AKAP12: variants seen among roughly 807,000 people sequenced by gnomAD.
AKAP12 encodes the protein A-kinase anchoring protein 12.
AKAP12 carries 32 observed loss-of-function variants against 79.9 expected under a neutral mutation model. The observed-to-expected ratio is 0.40, with a 90% CI of 0.30 to 0.54. The LOEUF (loss-of-function observed/expected upper bound fraction) is 0.54. Ranked by LOEUF, AKAP12 falls within the 20% of genes least tolerant of loss-of-function variation. AKAP12 has a pLI of 0.48. For synonymous variants in AKAP12, 808 were observed against 857.0 expected (o/e 0.94, Z 1.00); for missense variants, 2,074 against 2,177.0 (o/e 0.95, Z 0.94).
chr6:151,343,065 A>G (rs1189018480), intron 3 of AKAP12, among the ~76,000 whole-genome samples: 1 of 152,096 alleles, frequency 6.6e-6, no homozygotes, highest in Non-Finnish European at 1.5e-5. Flanking sequence ...GCCCGGCCCA[A>G]TAGCTGTTTT....
chr6:151,249,326 T>G lies in AKAP12; in HGVS notation c.162+8602T>G, dbSNP rs765253648. On this transcript the variant is annotated intron_variant, in intron 2 of 4. Coordinates refer to ENST00000402676, the MANE Select transcript of AKAP12 (RefSeq NM_005100.4). Reference sequence around the variant, plus strand: ...ATTCAATCTTGATTTCATAAATATTTCTGTTTTAATTTCTTCCATTTATTT... The same window carrying G: ...ATTCAATCTTGATTTCATAAATATTGCTGTTTTAATTTCTTCCATTTATTT... Among the ~76,000 whole-genome samples, 38 of 152,202 alleles carry G rather than the reference T, an allele frequency of 2.5e-4. 1 individual carries two copies. The highest frequency in any genetic ancestry group is 4.8e-4 in the Non-Finnish European group (33 of 68,042).
chr6:151,335,477 G>T (rs558813828), intron 3 of AKAP12, among the ~76,000 whole-genome samples: 41 of 151,664 alleles, frequency 2.7e-4, no homozygotes, highest in Admixed American at 2.4e-3. Flanking sequence ...TATTTTTACT[G>T]TTGTTTGTTT....
chr6:151,320,528 C>T (rs1223603229), intron 3 of AKAP12, among the ~76,000 whole-genome samples: 1 of 152,160 alleles, frequency 6.6e-6, no homozygotes, highest in Non-Finnish European at 1.5e-5. Context: ...TAATCCCTGT[C>T]CATTCCCAGG....
At chr6:151,253,952 G>A (rs1417348243) in intron 2 of AKAP12, among the ~76,000 whole-genome samples, 2 of 152,040 alleles carry the variant, frequency 1.3e-5, no homozygotes, top group Non-Finnish European at 2.9e-5. Flanking sequence ...CAGGTAATCT[G>A]CCTCCCTGGG....
At chr6:151,304,213 G>C (rs1195743684) in intron 2 of AKAP12, among the ~76,000 whole-genome samples, 3 of 151,912 alleles carry the variant, frequency 2.0e-5, no homozygotes. Flanking sequence ...GAGCAAGCCG[G>C]GCACAGTGGC....
In AKAP12 at chr6:151,270,405, C is replaced by A. The variant is rs1211124679; in HGVS notation, c.162+29681C>A. 2.0e-5 allele frequency among the ~76,000 whole-genome samples: 3 copies of A among 152,180 alleles called. No individual in the cohort carries two copies. In the East Asian group the frequency reaches 5.8e-4, roughly 29 times the overall value. On this transcript the variant is annotated intron_variant, in intron 2 of 4. Transcript: ENST00000402676. ...TATTCCGTTGTATGGATATATCCTA[C>A]GTTTTATTTATCCATGCAGCAGTTG...
Position 151,351,321 on chromosome 6 carries a change from C to A in AKAP12, c.2930C>A (p.Thr977Lys), listed in dbSNP as rs1302454206. 1.2e-6 allele frequency: 2 copies of A among 1,614,218 alleles called. No individual in the cohort carries two copies. Among genetic ancestry groups the A allele is most frequent in the Middle Eastern group, 3.3e-4 (2 of 6,062 alleles). Residue 977 changes from threonine to lysine, a missense_variant, in exon 4 of 5, where the codon ACA (threonine) becomes AAA (lysine). Thr to Lys is a moderately conservative substitution (Grantham distance 78). Around this residue, in one of 3 missense-constraint regions of AKAP12, gnomAD observed 1,428 missense variants for 1,451.0 expected, o/e 0.98. Transcript: ENST00000402676. The surrounding 1 kb of genome is among the most constrained non-coding windows in gnomAD (Gnocchi z 4.4). ...SEAELTPEAVTAAETAGPLGA... is the reference protein window; with the variant it reads ...SEAELTPEAVKAAETAGPLGA... Reference sequence around the variant, plus strand: ...GCGGAATTGACCCCCGAAGCTGTGACAGCTGCAGAAACTGCAGGGCCATTG... The same window carrying A: ...GCGGAATTGACCCCCGAAGCTGTGAAAGCTGCAGAAACTGCAGGGCCATTG...
At chr6:151,301,913 T>C (rs1562728356) in intron 2 of AKAP12, among the ~76,000 whole-genome samples, 1 of 152,222 alleles carries the variant, frequency 6.6e-6, no homozygotes, top group African/African-American at 2.4e-5. Context: ...TTCATTATCA[T>C]ACTTAGGATG....
intron 3 of AKAP12, chr6:151,324,298 T>A (rs1247955166): frequency 1.0e-6 from 1 of 985,302 alleles, no homozygotes; most frequent in Non-Finnish European, 1.2e-6. Context: ...TGCCAGGATG[T>A]GAAACGGAAG....
At position 151,350,053 on chromosome 6, in the gene AKAP12, T is replaced by G; in HGVS notation, c.1662T>G (p.Ser554=). 1.9e-6 allele frequency: 3 copies of G among 1,613,970 alleles called. No homozygotes were observed. The highest frequency in any genetic ancestry group is 2.5e-6 in the Non-Finnish European group (3 of 1,180,000). ...SGEHTQVPAD[S]PDSQEEQKGE... ...AGCACACTCAGGTTCCAGCCGATTCTCCGGACAGCCAGGAGGAGCAAAAGG... is the reference window on the plus strand; with the variant it reads ...AGCACACTCAGGTTCCAGCCGATTCGCCGGACAGCCAGGAGGAGCAAAAGG... The change falls in exon 4 of 5, where the codon TCT becomes TCG. Residue 554 remains serine, a synonymous_variant. Coordinates refer to ENST00000402676, the MANE Select transcript of AKAP12 (RefSeq NM_005100.4). This position sits in a 1 kb window ranked among gnomAD's most constrained non-coding sequence, Gnocchi z 4.8.
At chr6:151,292,334 A>T (rs146480302) in intron 2 of AKAP12, among the ~76,000 whole-genome samples, 22 of 152,356 alleles carry the variant, frequency 1.4e-4, no homozygotes, top group African/African-American at 5.3e-4. Flanking sequence ...TGGGCAATAC[A>T]TTCTAACTGG....
At chr6:151,241,475 A>AACTT (rs1796975171) in intron 2 of AKAP12, among the ~76,000 whole-genome samples, 2 of 152,204 alleles carry the variant, frequency 1.3e-5, no homozygotes, top group South Asian at 4.2e-4. Context: ...TTCTCAAAGG[A>AACTT]TGGGGTCAGT....
Position 151,316,294 on chromosome 6 carries a change from A to G in AKAP12, c.319+10391A>G, listed in dbSNP as rs998080183. ...ATTAGTCATTCAGGTGAAAAGTGCT[A>G]TGTGCTAGATTGAATTAATTGAGTG... On this transcript the variant is annotated intron_variant, in intron 3 of 4. Transcript: ENST00000402676. Among the ~76,000 whole-genome samples, 4 of 152,184 alleles carry G rather than the reference A, an allele frequency of 2.6e-5. No homozygotes were observed. In the South Asian group the frequency reaches 6.2e-4, roughly 24 times the overall value.
intron 2 of AKAP12, among the ~76,000 whole-genome samples, chr6:151,258,961 CTA>C (rs1002677869): frequency 1.2e-4 from 18 of 147,970 alleles, no homozygotes; most frequent in East Asian, 7.8e-4. Flanking sequence ...TATATACACA[CTA>C]TATATATATG....
intron 3 of AKAP12, among the ~76,000 whole-genome samples, chr6:151,330,543 G>A (rs550232341): frequency 6.6e-5 from 10 of 152,206 alleles, no homozygotes; most frequent in African/African-American, 2.2e-4. Context: ...ACTGTAAGCC[G>A]TCCTGATGTG....
At chr6:151,285,960 C>T (rs1011332435) in intron 2 of AKAP12, among the ~76,000 whole-genome samples, 4 of 151,916 alleles carry the variant, frequency 2.6e-5, no homozygotes, top group African/African-American at 7.3e-5. Context: ...TCTCTGCAAC[C>T]TTCGCCTCCT....
intron 2 of AKAP12, 122 bp downstream of exon 2, chr6:151,240,846 A>T (rs4568462): frequency 0.37 from 348,085 of 933,782 alleles, 69,834 homozygotes; most frequent in Non-Finnish European, 0.4. Flanking sequence ...CGCATCTGCA[A>T]ACTCAGGAGT....
At chr6:151,252,806 G>A (rs1480656158) in intron 2 of AKAP12, among the ~76,000 whole-genome samples, 3 of 151,586 alleles carry the variant, frequency 2.0e-5, no homozygotes, top group Non-Finnish European at 4.4e-5. Flanking sequence ...TTGGCAGATC[G>A]TGATGGCATC....
At chr6:151,328,305 G>T (rs1777582951) in intron 3 of AKAP12, among the ~76,000 whole-genome samples, 1 of 140,070 alleles carries the variant, frequency 7.1e-6, no homozygotes, top group African/African-American at 2.8e-5. Flanking sequence ...TCCAGCCTGG[G>T]CGACAGAGCG....
Sources: allele counts gnomAD v4.1 joint callset (sites outside exome capture counted in the v4.1 genomes callset), GRCh38; gene constraint gnomAD v4.1.1; regional missense constraint gnomAD v4.1.1; non-coding constraint Gnocchi (gnomAD v3.1); transcripts MANE v1.5; gene names NCBI Gene and HGNC (gene_info 2026-07-23, HGNC 2026-07-21).